MAST3: variants seen among roughly 807,000 people sequenced by gnomAD.
MAST3 encodes microtubule-associated serine/threonine-protein kinase 3.
Under a neutral mutation model 127.0 loss-of-function variants are expected in MAST3, and 43 were observed. That is an observed-to-expected ratio of 0.34 (90% CI 0.27 to 0.44). The LOEUF is 0.44. Ranked by LOEUF, MAST3 falls within the 20% of genes least tolerant of loss-of-function variation. The probability of loss-of-function intolerance (pLI) is 1.00; values close to 1 mark genes in which losing one functional copy is unlikely to be tolerated. For missense variants in MAST3, 1,390 were observed against 1,919.1 expected (o/e 0.72, Z 5.15); for synonymous variants, 785 against 809.2 (o/e 0.97, Z 0.51).
chr19:18,104,104 C>T (rs2037862265), intron 1 of MAST3, among the ~76,000 whole-genome samples: 1 of 141,784 alleles, frequency 7.1e-6, no homozygotes, highest in South Asian at 2.3e-4. Flanking sequence ...CCCAGCTACT[C>T]TGGAGGCGGA....
Position 18,151,492 on chromosome 19 carries a change from C to T in MAST3, c.*1766C>T, listed in dbSNP as rs2043522965. ...GATACAGCCGACTCCAGCCCCAGCT[C>T]ATCCCCCATGATGCTGTGTGACCCA... On this transcript the variant is annotated 3_prime_UTR_variant, in exon 28 of 28. Coordinates refer to ENST00000687212, the MANE Select transcript of MAST3 (RefSeq NM_001393504.1). 6.6e-6 allele frequency: 1 copy of T among 152,258 alleles called. No homozygotes were observed. Among genetic ancestry groups the T allele is most frequent in the African/African-American group, 2.4e-5 (1 of 41,446 alleles). 9.4% of individuals were successfully genotyped at this position (152,258 alleles called of 1,614,324 possible). A position where few individuals can be genotyped will look rare whatever the true frequency, so the allele number is the denominator to read the frequency against.
chr19:18,137,452 C>A, intron 19 of MAST3, 91 bp downstream of exon 19: 1 of 1,408,378 alleles, frequency 7.1e-7, no homozygotes, highest in East Asian at 2.3e-5. Context: ...GGCATTCCAC[C>A]CGAGCTTGGC....
At chr19:18,118,149 G>T in intron 3 of MAST3, 1 of 985,332 alleles carries the variant, frequency 1.0e-6, no homozygotes, top group Non-Finnish European at 1.2e-6. Flanking sequence ...GGCTGCGGCG[G>T]CACAAAGGGA....
intron 3 of MAST3, among the ~76,000 whole-genome samples, chr19:18,117,424 A>G (rs558485158): frequency 5.9e-5 from 9 of 152,288 alleles, no homozygotes; most frequent in African/African-American, 1.7e-4. Context: ...CCCGCCACAC[A>G]CAGACAGAGC....
chr19:18,130,136 C>CG (rs576530348), intron 13 of MAST3, among the ~76,000 whole-genome samples: 73 of 151,616 alleles, frequency 4.8e-4, no homozygotes, highest in Non-Finnish European at 7.5e-4. Flanking sequence ...TCATTTGAGC[C>CG]GGGGGGGTGG....
Position 18,145,340 on chromosome 19 carries a change from T to G in MAST3, c.3039+111T>G. On this transcript the variant is annotated intron_variant, in intron 24 of 27. Transcript: ENST00000687212. This position sits in a 1 kb window ranked among gnomAD's most constrained non-coding sequence, Gnocchi z 5.9. ...CCTGGCAGGGTTAGGTAGATAGAGCTGGTGCCACCGAGTTCATCTCGGTCC... is the reference window on the plus strand; with the variant it reads ...CCTGGCAGGGTTAGGTAGATAGAGCGGGTGCCACCGAGTTCATCTCGGTCC... The G allele has an allele frequency of 9.9e-7, 1 of 1,012,222 alleles. No homozygotes were observed. The allele number at this position is 1,012,222 out of a possible 1,614,324, so 62.7% of individuals were successfully genotyped here. A position where few individuals can be genotyped will look rare whatever the true frequency, so the allele number is the denominator to read the frequency against.
intron 10 of MAST3, 115 bp downstream of exon 10, chr19:18,124,481 C>A: frequency 2.2e-6 from 3 of 1,336,550 alleles, no homozygotes; most frequent in Non-Finnish European, 2.1e-6. Context: ...TTGAGAGGAA[C>A]ACAGGGTGCT....
intron 10 of MAST3, 99 bp downstream of exon 10, chr19:18,124,465 A>G: frequency 2.9e-6 from 4 of 1,370,884 alleles, no homozygotes; most frequent in Non-Finnish European, 4.0e-6. Flanking sequence ...CCCATCGTGT[A>G]GGGCTTTGAG....
intron 17 of MAST3, among the ~76,000 whole-genome samples, chr19:18,135,429 C>T (rs1304013395): frequency 1.3e-5 from 2 of 152,078 alleles, no homozygotes; most frequent in African/African-American, 4.8e-5. Flanking sequence ...TGTGCCACTG[C>T]ACTCCAGCCT....
At chr19:18,120,039 CT>C (rs1279355126) in intron 3 of MAST3, among the ~76,000 whole-genome samples, 1 of 152,124 alleles carries the variant, frequency 6.6e-6, no homozygotes, top group Non-Finnish European at 1.5e-5. Flanking sequence ...TCCCAACTTC[CT>C]TCTGTCAAGG....
chr19:18,135,011 A>C (rs763842652), intron 17 of MAST3, 29 bp downstream of exon 17: 13 of 1,565,406 alleles, frequency 8.3e-6, no homozygotes, highest in Non-Finnish European at 1.1e-5. Context: ...CCTGGGTTTG[A>C]GCTGCAGCCC....
chr19:18,138,841 T>C (rs1912972127), intron 19 of MAST3, among the ~76,000 whole-genome samples, 174 bp from the exon 20 acceptor site: 1 of 152,136 alleles, frequency 6.6e-6, no homozygotes, highest in African/African-American at 2.4e-5. Context: ...TCCCCAGATA[T>C]CTGCTCTGCC....
rs777024234 is a variant in MAST3 at position 18,123,923 on chromosome 19, G to A, written c.634-16G>A. The A allele has an allele frequency of 1.1e-5, 17 of 1,545,732 alleles. No individual in the cohort carries two copies. The highest frequency in any genetic ancestry group is 3.8e-5 in the Admixed American group (2 of 52,226). ...CCCCGCCCTCTGACCAGGTCGCCCCGTCTCGCCCCACCCAGGCCACAGCAC... is the reference window on the plus strand; with the variant it reads ...CCCCGCCCTCTGACCAGGTCGCCCCATCTCGCCCCACCCAGGCCACAGCAC... On this transcript the variant is annotated splice_polypyrimidine_tract_variant and intron_variant, in intron 8 of 27. Transcript: ENST00000687212.
Position 18,110,690 on chromosome 19 carries a change from C to T in MAST3, c.110C>T (p.Pro37Leu). The T allele has an allele frequency of 3.0e-6, 3 of 985,930 alleles. No individual in the cohort carries two copies. Among genetic ancestry groups the T allele is most frequent in the Non-Finnish European group, 3.6e-6 (3 of 829,992 alleles). The allele number at this position is 985,930 out of a possible 1,614,324, so 61.1% of individuals were successfully genotyped here. Residue 37 changes from proline to leucine, a missense_variant, in exon 3 of 28, where the codon CCC becomes CTC. Coordinates refer to ENST00000687212, the MANE Select transcript of MAST3 (RefSeq NM_001393504.1). This position sits in a 1 kb window ranked among gnomAD's most constrained non-coding sequence, Gnocchi z 4.3. ...PSSQSPSLLG[P>L]SSPCSPCSPS... ...AGCCAGAGCCCGTCCCTGCTGGGTC[C>T]CAGCAGCCCCTGCAGCCCCTGTAGC... is the stretch of plus-strand genomic sequence containing the variant.
intron 11 of MAST3, among the ~76,000 whole-genome samples, chr19:18,126,658 A>G (rs2040659481): frequency 6.6e-6 from 1 of 152,208 alleles, no homozygotes; most frequent in Non-Finnish European, 1.5e-5. Context: ...AGTCCTAGCT[A>G]CTTGCGGGGC....
chr19:18,122,790 G>A, intron 6 of MAST3, 39 bp downstream of exon 6: 3 of 1,590,426 alleles, frequency 1.9e-6, no homozygotes, highest in Non-Finnish European at 2.6e-6. Context: ...ACAGGCAGAT[G>A]CCGGGTTGTG....
chr19:18,128,486 G>A (rs939283202), intron 12 of MAST3, 28 bp downstream of exon 12: 26 of 1,549,138 alleles, frequency 1.7e-5, no homozygotes, highest in East Asian at 2.4e-5. Context: ...GGGGACCCCC[G>A]CTCATCTTGT....
chr19:18,134,767 C>T lies in MAST3; in HGVS notation c.1705-50C>T, dbSNP rs765857022. On this transcript the variant is annotated intron_variant, in intron 16 of 27. Coordinates refer to ENST00000687212, the MANE Select transcript of MAST3 (RefSeq NM_001393504.1). ...GATGCCTCCTCCTCTCTCCTGGGAC[C>T]TCTCTTGGGCTGGGGGCTGGCCTCA... 4 of 1,613,530 alleles carry T rather than the reference C, an allele frequency of 2.5e-6. No individual in the cohort carries two copies. The South Asian group carries it at 4.4e-5, about 18-fold the overall frequency.
intron 3 of MAST3, among the ~76,000 whole-genome samples, chr19:18,113,203 A>G (rs1200976763): frequency 3.3e-5 from 5 of 151,936 alleles, no homozygotes; most frequent in Non-Finnish European, 2.9e-5. Flanking sequence ...CTGGCGGGGG[A>G]ATGGGTCCCT....
Sources: allele counts gnomAD v4.1 joint callset (sites outside exome capture counted in the v4.1 genomes callset), GRCh38; gene constraint gnomAD v4.1.1; non-coding constraint Gnocchi (gnomAD v3.1); transcripts MANE v1.5; gene names NCBI Gene and HGNC (gene_info 2026-07-23, HGNC 2026-07-21).